LIMS1: variants seen among roughly 807,000 people sequenced by gnomAD.
LIMS1 encodes the protein LIM and senescent cell antigen-like-containing domain protein 1.
LIMS1 carries 18 observed loss-of-function variants against 44.1 expected under a neutral mutation model. That is an observed-to-expected ratio of 0.41 (90% confidence interval 0.28 to 0.61). LIMS1 has a LOEUF of 0.61. Among genes scored for constraint, LIMS1 ranks in the 20% least tolerant of loss-of-function variants. The pLI is 0.32. For missense variants in LIMS1, 201 were observed against 422.0 expected, an observed-to-expected ratio of 0.48 and a Z score of 4.59; for synonymous variants, 93 against 149.1, an observed-to-expected ratio of 0.62 and a Z score of 2.74.
chr2:108,554,466 T>C (rs1684856103), intron 1 of LIMS1, among the ~76,000 whole-genome samples: 1 of 152,216 alleles, frequency 6.6e-6, no homozygotes, highest in South Asian at 2.1e-4. Flanking sequence ...AAGAGTATCT[T>C]CCTTATTCTT....
chr2:108,615,961 T>G (rs1013097993), intron 1 of LIMS1, among the ~76,000 whole-genome samples: 3 of 152,180 alleles, frequency 2.0e-5, no homozygotes, highest in African/African-American at 7.2e-5. Context: ...ACCTCTTGTA[T>G]CCTTCCACTA....
intron 2 of LIMS1, chr2:108,662,609 T>A (rs1691457306): frequency 9.9e-7 from 1 of 1,008,008 alleles, no homozygotes; most frequent in South Asian, 2.6e-5. Flanking sequence ...AATAAGACAT[T>A]TCTTTTTGGT....
At chr2:108,599,360 A>G (rs532747053) in intron 1 of LIMS1, among the ~76,000 whole-genome samples, 1 of 152,284 alleles carries the variant, frequency 6.6e-6, no homozygotes, top group South Asian at 2.1e-4. Context: ...GTTGTTGCAA[A>G]TGGCTGGATC....
At chr2:108,585,392 G>A (rs1191128891) in intron 1 of LIMS1, among the ~76,000 whole-genome samples, 1 of 151,886 alleles carries the variant, frequency 6.6e-6, no homozygotes, top group Non-Finnish European at 1.5e-5. Flanking sequence ...CCTGAGAGAG[G>A]GCACATTAAG....
chr2:108,673,315 T>C (rs1257387905), intron 5 of LIMS1: 1 of 496,790 alleles, frequency 2.0e-6, no homozygotes, highest in Non-Finnish European at 3.6e-6. Context: ...CCTCTAAAAT[T>C]TCTCATGAGT....
intron 1 of LIMS1, among the ~76,000 whole-genome samples, chr2:108,645,756 G>A (rs145128062): frequency 0.012 from 1,824 of 151,622 alleles, 44 homozygotes; most frequent in African/African-American, 0.043. Flanking sequence ...CCCATCCCAC[G>A]TGGAGAGACA....
rs111779374 is a variant in LIMS1 at position 108,675,992 on chromosome 2, C to T, written c.645C>T (p.Arg215=). Residue 215 remains arginine (R), a synonymous_variant, in exon 6 of 10, where the codon CGC becomes CGT. Coordinates refer to ENST00000544547, the Ensembl canonical transcript of LIMS1. ...CTTGCCGACGGCCCATCGAAGGGCG[C>T]GTGGTGAACGCTATGGGCAAGCAGT... 3.4e-5 allele frequency: 55 copies of T among 1,613,928 alleles called. 1 individual carries two copies. Among genetic ancestry groups the T allele is most frequent in the South Asian group, 1.1e-4 (10 of 91,054 alleles).
chr2:108,584,334 T>G (rs570741094), intron 1 of LIMS1, among the ~76,000 whole-genome samples: 5 of 152,270 alleles, frequency 3.3e-5, no homozygotes, highest in African/African-American at 1.2e-4. Context: ...GAAGACTTAT[T>G]TTAGCTGGTG....
chr2:108,563,247 GAGTAACTTCATTCTTATTATTTA>G, intron 1 of LIMS1, among the ~76,000 whole-genome samples: 1 of 152,194 alleles, frequency 6.6e-6, no homozygotes, highest in African/African-American at 2.4e-5. Context: ...AGGGATCAAG[GAGTAACTTCATTCTTATTATTTA>G]AGAAATAAAT....
At chr2:108,579,307 G>A (rs1162472723) in intron 1 of LIMS1, among the ~76,000 whole-genome samples, 1 of 152,172 alleles carries the variant, frequency 6.6e-6, no homozygotes, top group African/African-American at 2.4e-5. Context: ...AGCTCTTATA[G>A]TAAGTGGCAT....
At chr2:108,681,164 A>C in intron 9 of LIMS1, 7 of 1,273,230 alleles carry the variant, frequency 5.5e-6, no homozygotes, top group Non-Finnish European at 6.9e-6. Flanking sequence ...TCCTTTGGTT[A>C]GTCCTTTGGA....
intron 1 of LIMS1, among the ~76,000 whole-genome samples, chr2:108,535,237 T>C (rs1684090268): frequency 6.6e-6 from 1 of 152,242 alleles, no homozygotes; most frequent in Non-Finnish European, 1.5e-5. Flanking sequence ...GAAAATCTGA[T>C]CTTACACAGA....
chr2:108,616,886 G>A (rs1226699872), intron 1 of LIMS1, among the ~76,000 whole-genome samples: 2 of 152,172 alleles, frequency 1.3e-5, no homozygotes, highest in African/African-American at 4.8e-5. Flanking sequence ...ATGAATGTGT[G>A]TTGGACATAG....
intron 1 of LIMS1, among the ~76,000 whole-genome samples, chr2:108,542,786 G>A (rs557910983): frequency 6.6e-5 from 10 of 152,158 alleles, no homozygotes; most frequent in Non-Finnish European, 1.0e-4. Flanking sequence ...AAACTCCTCT[G>A]TCTTGAAGAT....
chr2:108,626,937 C>T (rs1179043569), intron 1 of LIMS1, among the ~76,000 whole-genome samples: 1 of 152,220 alleles, frequency 6.6e-6, no homozygotes, highest in African/African-American at 2.4e-5. Flanking sequence ...CGAGAGACTA[C>T]AAACATGACA....
exon 1 of LIMS1, chr2:108,534,594 G>A: frequency 8.7e-7 from 1 of 1,150,598 alleles, no homozygotes; most frequent in Non-Finnish European, 1.1e-6. Context: ...ATGACCCACA[G>A]GTACGGGCCG....
chr2:108,642,500 C>T (rs1357899359), intron 1 of LIMS1, among the ~76,000 whole-genome samples: 2 of 151,620 alleles, frequency 1.3e-5, no homozygotes, highest in African/African-American at 4.9e-5. Context: ...GCTGGGACTA[C>T]AGGCGCCCGC....
intron 1 of LIMS1, among the ~76,000 whole-genome samples, chr2:108,551,945 G>A (rs921501928): frequency 2.1e-5 from 2 of 96,352 alleles, no homozygotes; most frequent in Non-Finnish European, 4.2e-5. Context: ...GTGTGTGTGT[G>A]TGTGTGTGTA....
At chr2:108,646,197 C>T (rs1690052503) in intron 1 of LIMS1, among the ~76,000 whole-genome samples, 1 of 152,188 alleles carries the variant, frequency 6.6e-6, no homozygotes, top group Admixed American at 6.5e-5. Context: ...CTCAGCACCA[C>T]ATAGCACTTA....
Sources: gnomAD v4.1 joint callset for allele counts (sites outside exome capture counted in the v4.1 genomes callset) on GRCh38, gnomAD v4.1.1 for gene constraint, MANE v1.5 for transcripts, NCBI Gene and HGNC (gene_info 2026-07-23, HGNC 2026-07-21) for gene names.